Variants in DPP6 observed in about 807,000 individuals in gnomAD.
The protein encoded by DPP6 is dipeptidyl peptidase like 6, also known as A-type potassium channel modulatory protein DPP6.
A neutral mutation model predicts 122.6 loss-of-function variants in DPP6; 69 were observed. That is an observed-to-expected ratio of 0.56 (90% CI 0.46 to 0.69). DPP6 has a LOEUF of 0.69. Among genes scored for constraint, DPP6 ranks in the 30% least tolerant of loss-of-function variants. The pLI, the probability that DPP6 is intolerant of heterozygous loss-of-function variation, is 0.00. For missense variants in DPP6, 928 were observed against 1,116.9 expected, an observed-to-expected ratio of 0.83 and a Z score of 2.41; for synonymous variants, 418 against 433.1, an observed-to-expected ratio of 0.97 and a Z score of 0.43.
intron 1 of DPP6, among the ~76,000 whole-genome samples, chr7:154,084,704 G>C (rs975986741): frequency 7.2e-6 from 1 of 138,952 alleles, no homozygotes; most frequent in African/African-American, 2.7e-5. Context: ...ATTTTAAAAA[G>C]ATGCCTTGGG....
chr7:154,290,062 A>C (rs2150963240), intron 1 of DPP6, among the ~76,000 whole-genome samples: 1 of 152,372 alleles, frequency 6.6e-6, no homozygotes, highest in African/African-American at 2.4e-5. Flanking sequence ...TTTATTATTA[A>C]GTTACACATG....
chr7:154,677,920 G>A (rs1365599706), intron 7 of DPP6, among the ~76,000 whole-genome samples: 1 of 152,214 alleles, frequency 6.6e-6, no homozygotes. Flanking sequence ...GTGCGGACTT[G>A]GAGAACTTTT....
chr7:154,051,204 G>A (rs1213701489), upstream of DPP6, among the ~76,000 whole-genome samples: 7 of 123,684 alleles, frequency 5.7e-5, 1 homozygote, highest in Admixed American at 4.8e-4. Context: ...TGAAGCCAAC[G>A]CCCTACCTCC....
chr7:154,628,555 G>A lies in DPP6; in HGVS notation c.628-9266G>A, dbSNP rs113277079. ...TGTTACTTCAAATGTTAAGGGAGAA[G>A]GTTTTAGACAAGATAGGACAACATG... On this transcript the variant is annotated intron_variant, in intron 5 of 25. Coordinates refer to ENST00000377770, the MANE Select transcript of DPP6 (RefSeq NM_130797.4). Among the ~76,000 whole-genome samples the A allele has an allele frequency of 7.3e-3, 1,119 of 152,292 alleles. 9 individuals are homozygous for A. Among genetic ancestry groups the A allele is most frequent in the South Asian group, 0.018 (86 of 4,826 alleles).
Position 154,052,818 on chromosome 7 carries a change from C to T in DPP6, c.-3C>T, listed in dbSNP as rs1329344828. 3.3e-6 allele frequency: 5 copies of T among 1,524,324 alleles called. No individual in the cohort carries two copies. Among genetic ancestry groups the T allele is most frequent in the Non-Finnish European group, 3.5e-6 (4 of 1,134,946 alleles). The allele number at this position is 1,524,324 out of a possible 1,614,324, so 94.4% of individuals were successfully genotyped here. ...AAGACAGCCAGCAGGAGCGCGGTGC[C>T]CGATGGCTTCGCTGTACCAGAGGTT... is the stretch of plus-strand genomic sequence containing the variant. On this transcript the variant is annotated 5_prime_UTR_variant, in exon 1 of 26. Transcript: ENST00000377770. This position sits in a 1 kb window ranked among gnomAD's most constrained non-coding sequence, Gnocchi z 4.8.
intron 10 of DPP6, among the ~76,000 whole-genome samples, chr7:154,790,745 T>G (rs1797619078): frequency 6.6e-6 from 1 of 151,024 alleles, no homozygotes. Flanking sequence ...GTCCTAATTT[T>G]TAGTACAATT....
the DPP6 span, among the ~76,000 whole-genome samples, chr7:153,817,781 GGGGA>G: frequency 2.6e-5 from 3 of 115,436 alleles, no homozygotes; most frequent in South Asian, 4.1e-4. Context: ...TGGGGGGAGG[GGGGA>G]GGGATAGCAT....
chr7:154,149,792 G>A (rs2150682425), intron 1 of DPP6, among the ~76,000 whole-genome samples: 1 of 152,302 alleles, frequency 6.6e-6, no homozygotes, highest in African/African-American at 2.4e-5. Context: ...ACTCAGTGAT[G>A]TGTAGGACAT....
intron 1 of DPP6, among the ~76,000 whole-genome samples, chr7:154,262,027 G>T (rs1447561808): frequency 2.0e-5 from 3 of 151,994 alleles, no homozygotes; most frequent in African/African-American, 4.8e-5. Context: ...GAGGGAGAGA[G>T]GGAGAGAGGG....
intron 1 of DPP6, among the ~76,000 whole-genome samples, chr7:154,264,345 C>A (rs1256403807): frequency 1.3e-5 from 2 of 152,224 alleles, no homozygotes; most frequent in Non-Finnish European, 2.9e-5. Context: ...ACTCCGAGTT[C>A]TTTGTAGTAG....
Position 154,368,595 on chromosome 7 carries a change from T to C in DPP6, c.244-77619T>C, listed in dbSNP as rs562766068. Among the ~76,000 whole-genome samples, 9 of 152,378 alleles carry C rather than the reference T, an allele frequency of 5.9e-5. No homozygotes were observed. In the South Asian group the frequency reaches 1.9e-3, roughly 32 times the overall value. ...TTGGAAACAAAAGACATCATTCTAT[T>C]TACAGCATTCTGGTTTTAGTAGTTG... On this transcript the variant is annotated intron_variant, in intron 1 of 25. Coordinates refer to ENST00000377770, the MANE Select transcript of DPP6 (RefSeq NM_130797.4).
At chr7:154,559,790 AG>A (rs1385390259) in intron 4 of DPP6, among the ~76,000 whole-genome samples, 1 of 151,932 alleles carries the variant, frequency 6.6e-6, no homozygotes, top group Non-Finnish European at 1.5e-5. Flanking sequence ...GTATAGGCCC[AG>A]CTACTCAAGA....
intron 1 of DPP6, among the ~76,000 whole-genome samples, chr7:154,121,549 G>T (rs956849412): frequency 6.6e-6 from 1 of 152,098 alleles, no homozygotes; most frequent in Non-Finnish European, 1.5e-5. Flanking sequence ...ATTTATCAGG[G>T]TGTTTAATTT....
intron 7 of DPP6, among the ~76,000 whole-genome samples, chr7:154,693,778 C>A (rs1408116929): frequency 6.6e-6 from 1 of 152,176 alleles, no homozygotes; most frequent in Non-Finnish European, 1.5e-5. Flanking sequence ...TCCAGGCAGA[C>A]CTCCCTATGA....
intron 1 of DPP6, among the ~76,000 whole-genome samples, chr7:154,124,473 A>C (rs1040295458): frequency 6.6e-6 from 1 of 152,194 alleles, no homozygotes; most frequent in Non-Finnish European, 1.5e-5. Context: ...AGCAGCCTGC[A>C]CCGGCACTGT....
rs371354517 is a variant in DPP6, at chr7:154,837,307, G to A, written c.1667-16473G>A. Among the ~76,000 whole-genome samples the A allele has an allele frequency of 1.3e-3, 202 of 150,556 alleles. 3 individuals carry two copies. The highest frequency in any genetic ancestry group is 4.3e-3 in the African/African-American group (175 of 40,650). ...GGCACATTCACATGCATGCACACAT[G>A]CACACAAACACATGCACACACATGC... is the stretch of plus-strand genomic sequence containing the variant. On this transcript the variant is annotated intron_variant, in intron 16 of 25. Transcript: ENST00000377770.
intron 17 of DPP6, among the ~76,000 whole-genome samples, chr7:154,859,746 G>A (rs144599154): frequency 2.2e-4 from 34 of 152,292 alleles, no homozygotes; most frequent in African/African-American, 8.2e-4. Flanking sequence ...AAACAACTTA[G>A]GTACTGGGAT....
chr7:154,208,035 T>C (rs892217324), intron 1 of DPP6, among the ~76,000 whole-genome samples: 5 of 152,250 alleles, frequency 3.3e-5, no homozygotes, highest in Admixed American at 6.5e-5. Context: ...TCACTTGTTT[T>C]TTATTCCTGT....
At chr7:154,455,491 TC>T (rs1820748501) in intron 2 of DPP6, among the ~76,000 whole-genome samples, 1 of 152,166 alleles carries the variant, frequency 6.6e-6, no homozygotes. Flanking sequence ...TTGAAACAAA[TC>T]TTCTCCCTCC....
Sources: gnomAD v4.1 joint callset for allele counts (sites outside exome capture counted in the v4.1 genomes callset) on GRCh38, gnomAD v4.1.1 for gene constraint, Gnocchi (gnomAD v3.1) non-coding constraint, MANE v1.5 for transcripts, NCBI Gene and HGNC (gene_info 2026-07-23, HGNC 2026-07-21) for gene names.